Variants in CCSER1 observed in about 807,000 individuals in gnomAD.
CCSER1 encodes coiled-coil serine rich protein 1, also known as serine-rich coiled-coil domain-containing protein 1.
A neutral mutation model predicts 82.0 loss-of-function variants in CCSER1; 41 were observed. The ratio of observed to expected loss-of-function variants is 0.50; its 90% confidence interval spans 0.39 to 0.65. The LOEUF (loss-of-function observed/expected upper bound fraction) is 0.65, where lower values mean the gene tolerates loss of function less well. CCSER1 is among the 30% of genes least tolerant of loss of function. The pLI, the probability that CCSER1 is intolerant of heterozygous loss-of-function variation, is 0.00. For missense variants in CCSER1, 1,119 were observed against 1,064.2 expected (o/e 1.05, Z -0.72); for synonymous variants, 414 against 383.9 (o/e 1.08, Z -0.92).
intron 5 of CCSER1, among the ~76,000 whole-genome samples, chr4:90,480,313 C>T (rs188740303): frequency 3.8e-4 from 58 of 152,138 alleles, no homozygotes; most frequent in African/African-American, 1.3e-3. Context: ...AAAATTTTCT[C>T]CCATTCTGTA....
chr4:90,301,507 T>C (rs1197945759), intron 1 of CCSER1, among the ~76,000 whole-genome samples: 1 of 152,174 alleles, frequency 6.6e-6, no homozygotes, highest in Non-Finnish European at 1.5e-5. Context: ...TGTATACATT[T>C]GTGTAGTAGT....
chr4:90,899,863 G>T (rs566930793), intron 8 of CCSER1, among the ~76,000 whole-genome samples: 4 of 151,842 alleles, frequency 2.6e-5, no homozygotes, highest in Non-Finnish European at 5.9e-5. Flanking sequence ...ATTGTACTGA[G>T]GATTTTTGCA....
intron 1 of CCSER1, among the ~76,000 whole-genome samples, chr4:90,255,181 T>A (rs983778573): frequency 6.6e-6 from 1 of 152,160 alleles, no homozygotes; most frequent in Admixed American, 6.6e-5. Context: ...CAAGTCCTTT[T>A]TCAAATACCA....
At chr4:90,205,103 G>A (rs1276680162) in intron 1 of CCSER1, among the ~76,000 whole-genome samples, 1 of 152,154 alleles carries the variant, frequency 6.6e-6, no homozygotes, top group Non-Finnish European at 1.5e-5. Context: ...CTGAGATGAT[G>A]GAGTTTTCTA....
intron 4 of CCSER1, among the ~76,000 whole-genome samples, chr4:90,408,268 C>T (rs568222053): frequency 6.6e-6 from 1 of 152,332 alleles, no homozygotes; most frequent in Admixed American, 6.5e-5. Context: ...CCTTGTCTGA[C>T]AGCTTTGAAG....
At chr4:91,582,186 G>T (rs1393520999) in intron 10 of CCSER1, among the ~76,000 whole-genome samples, 2 of 151,350 alleles carry the variant, frequency 1.3e-5, no homozygotes, top group South Asian at 2.1e-4. Context: ...GCTATTTTTT[G>T]AAAATGATTG....
chr4:90,356,259 A>G lies in CCSER1; in HGVS notation c.1509+43212A>G, dbSNP rs974876703. Among the ~76,000 whole-genome samples, 5 of 151,760 alleles carry G rather than the reference A, an allele frequency of 3.3e-5. No individual in the cohort carries two copies. In the East Asian group the frequency reaches 9.6e-4, roughly 29 times the overall value. The stretch of plus-strand genomic sequence containing the variant: ...CGTCTAATATTTTAAGTCTTATAAC[A>G]TTTCTTCCATCCCACAGCTTTCCTT... On this transcript the variant is annotated intron_variant, in intron 3 of 10. Transcript: ENST00000509176.
chr4:90,393,392 C>T (rs1489158202), intron 3 of CCSER1, among the ~76,000 whole-genome samples: 2 of 152,096 alleles, frequency 1.3e-5, no homozygotes, highest in African/African-American at 2.4e-5. Context: ...ATAGTGGAGA[C>T]GGAAATGTAT....
intron 4 of CCSER1, among the ~76,000 whole-genome samples, chr4:90,447,867 G>T (rs1442067097): frequency 2.0e-5 from 3 of 152,042 alleles, no homozygotes; most frequent in African/African-American, 7.2e-5. Context: ...TAATTACAAA[G>T]AATATTTTCT....
At chr4:90,192,005 T>A (rs1435506226) in intron 1 of CCSER1, among the ~76,000 whole-genome samples, 1 of 152,072 alleles carries the variant, frequency 6.6e-6, no homozygotes, top group Non-Finnish European at 1.5e-5. Context: ...TACAAAGGCA[T>A]AAAAATTACA....
At chr4:91,056,116 A>T (rs28857631) in intron 9 of CCSER1, among the ~76,000 whole-genome samples, 9 of 151,750 alleles carry the variant, frequency 5.9e-5, no homozygotes, top group African/African-American at 9.7e-5. Flanking sequence ...TCATGTCTTT[A>T]GTTCTTTGAG....
chr4:90,703,750 T>A (rs1738674369), intron 6 of CCSER1, among the ~76,000 whole-genome samples: 1 of 152,216 alleles, frequency 6.6e-6, no homozygotes, highest in Admixed American at 6.5e-5. Flanking sequence ...TCTCTTTTGA[T>A]CTTTGTTGGT....
intron 5 of CCSER1, among the ~76,000 whole-genome samples, chr4:90,585,174 A>G (rs923316741): frequency 6.6e-6 from 1 of 152,232 alleles, no homozygotes; most frequent in Non-Finnish European, 1.5e-5. Context: ...AGCCACAATG[A>G]AATATTACTA....
intron 1 of CCSER1, among the ~76,000 whole-genome samples, chr4:90,276,317 T>TTTTC (rs371973796): frequency 0.054 from 6,130 of 112,652 alleles, 548 homozygotes; most frequent in East Asian, 0.19. Context: ...CTTTCTTTCT[T>TTTTC]TTTCTTTCTT....
intron 8 of CCSER1, among the ~76,000 whole-genome samples, chr4:90,825,883 G>A (rs528185060): frequency 1.3e-5 from 2 of 151,612 alleles, no homozygotes; most frequent in East Asian, 1.9e-4. Context: ...GTAGAGACGG[G>A]GTTTCGCCAT....
intron 10 of CCSER1, among the ~76,000 whole-genome samples, chr4:91,161,753 T>C (rs988861855): frequency 2.6e-5 from 4 of 152,174 alleles, no homozygotes; most frequent in African/African-American, 9.7e-5. Context: ...ACATTGATTT[T>C]CTATCCTGAG....
chr4:91,290,600 G>GT (rs1433412242), intron 10 of CCSER1, among the ~76,000 whole-genome samples: 3 of 151,904 alleles, frequency 2.0e-5, no homozygotes, highest in African/African-American at 4.8e-5. Flanking sequence ...GAATGATCTA[G>GT]TACTTCTTTT....
At chr4:90,675,385 A>G (rs1228015451) in intron 6 of CCSER1, among the ~76,000 whole-genome samples, 1 of 151,356 alleles carries the variant, frequency 6.6e-6, no homozygotes. Flanking sequence ...CTATATTACT[A>G]TATGTCTAGT....
intron 5 of CCSER1, among the ~76,000 whole-genome samples, chr4:90,567,840 C>T (rs1235059807): frequency 6.6e-6 from 1 of 152,038 alleles, no homozygotes; most frequent in Admixed American, 6.6e-5. Context: ...CTCCTGGGCT[C>T]AAGTGATCTG....
Sources: allele counts gnomAD v4.1 joint callset (sites outside exome capture counted in the v4.1 genomes callset), GRCh38; gene constraint gnomAD v4.1.1; transcripts MANE v1.5; gene names NCBI Gene and HGNC (gene_info 2026-07-23, HGNC 2026-07-21).